Variants in OTUD3 observed in about 807,000 individuals in gnomAD.
OTUD3 encodes the protein OTU domain-containing protein 3.
In OTUD3, 24 loss-of-function variants were observed where a neutral mutation model predicts 46.2. The ratio of observed to expected loss-of-function variants is 0.52; its 90% CI spans 0.38 to 0.73. The LOEUF (loss-of-function observed/expected upper bound fraction) is 0.73. Ranked by LOEUF, OTUD3 falls within the 30% of genes least tolerant of loss-of-function variation. OTUD3 has a pLI of 0.00. For synonymous variants in OTUD3, 189 were observed against 195.4 expected, an observed-to-expected ratio of 0.97 and a Z score of 0.27; for missense variants, 455 against 523.3, an observed-to-expected ratio of 0.87 and a Z score of 1.27.
Position 19,882,412 on chromosome 1 carries a change from G to C in OTUD3, c.-102G>C. 3.1e-6 allele frequency: 4 copies of C among 1,298,424 alleles called. No homozygotes were observed. In the South Asian group the frequency reaches 6.9e-5, roughly 22 times the overall value. 80.4% of individuals were successfully genotyped at this position (1,298,424 alleles called of 1,614,324 possible). On this transcript the variant is annotated 5_prime_UTR_variant, in exon 1 of 8. Coordinates refer to ENST00000375120, the MANE Select transcript of OTUD3 (RefSeq NM_015207.2). ...GCGCGGTTGCTGCGTAGTCGTCGCC[G>C]GGCTCCGTTGCCCGCGCTGTTTTAC...
chr1:19,904,225 G>T, intron 4 of OTUD3, 42 bp from the exon 5 acceptor site: 1 of 1,497,214 alleles, frequency 6.7e-7, no homozygotes, highest in South Asian at 1.3e-5. Flanking sequence ...AACATAGTTT[G>T]ATTCTCAACA....
chr1:19,903,158 C>T (rs896587555), intron 4 of OTUD3, among the ~76,000 whole-genome samples: 5 of 151,552 alleles, frequency 3.3e-5, no homozygotes, highest in African/African-American at 4.9e-5. Flanking sequence ...AGCCATCCTC[C>T]CAGCTCAGCC....
At chr1:19,907,473 A>T in intron 7 of OTUD3, 97 bp from the exon 8 acceptor site, 1 of 1,183,860 alleles carries the variant, frequency 8.4e-7, no homozygotes, top group Non-Finnish European at 1.2e-6. Context: ...GTTCCTGCTG[A>T]AAAGCAATCT....
chr1:19,890,313 A>T (rs766931478), intron 1 of OTUD3, 72 bp from the exon 2 acceptor site: 59 of 1,403,302 alleles, frequency 4.2e-5, no homozygotes, highest in Non-Finnish European at 5.8e-5. Context: ...ATGATCTGGC[A>T]TGAAGCATCA....
chr1:19,894,404 A>G lies in OTUD3; in HGVS notation c.407A>G (p.Asn136Ser), dbSNP rs1366428667. ...SLAKPGTFAG[N>S]DAIVAFARNH... ...GCAAAGCCTGGTACTTTTGCTGGCA[A>G]TGATGCAATTGTAGCCTTTGCAAGA... is the stretch of plus-strand genomic sequence containing the variant. The change falls in exon 3 of 8, where the codon AAT becomes AGT. Residue 136 changes from asparagine to serine, a missense_variant. By Grantham distance (46) the Asn-to-Ser change is conservative. Transcript: ENST00000375120. 1 of 1,609,988 alleles carries G rather than the reference A, an allele frequency of 6.2e-7. No homozygotes were observed. Among genetic ancestry groups the G allele is most frequent in the Admixed American group, 1.7e-5 (1 of 59,176 alleles).
At chr1:19,887,374 G>A (rs569162895) in intron 1 of OTUD3, among the ~76,000 whole-genome samples, 5 of 152,070 alleles carry the variant, frequency 3.3e-5, no homozygotes, top group Admixed American at 6.6e-5. Context: ...ATGAGCCACC[G>A]CACCCGGCTG....
At chr1:19,897,339 A>G (rs905556244) in intron 3 of OTUD3, among the ~76,000 whole-genome samples, 3 of 152,186 alleles carry the variant, frequency 2.0e-5, no homozygotes, top group Non-Finnish European at 2.9e-5. Context: ...ATGGAGTTAC[A>G]TATTAAATAA....
At chr1:19,904,432 A>G in intron 5 of OTUD3, 34 bp downstream of exon 5, 1 of 1,593,034 alleles carries the variant, frequency 6.3e-7, no homozygotes, top group Middle Eastern at 1.7e-4. Context: ...ATGATTTAGA[A>G]GCAAGCATTG....
intron 1 of OTUD3, among the ~76,000 whole-genome samples, chr1:19,884,379 TCCCCACAC>T (rs1043512878): frequency 7.9e-5 from 12 of 152,066 alleles, no homozygotes; most frequent in African/African-American, 2.9e-4. Flanking sequence ...CTGCTCCCTA[TCCCCACAC>T]CCCCATACAC....
chr1:19,902,605 A>G (rs1035173313), intron 4 of OTUD3, among the ~76,000 whole-genome samples: 18 of 152,158 alleles, frequency 1.2e-4, no homozygotes, highest in Admixed American at 5.9e-4. Context: ...AAAAATGTCT[A>G]TTCAAGTCTT....
intron 4 of OTUD3, 74 bp from the exon 5 acceptor site, chr1:19,904,193 G>A: frequency 8.3e-7 from 1 of 1,204,242 alleles, no homozygotes. Flanking sequence ...CCAGATTAGA[G>A]TGTCTTGTGT....
At position 19,904,237 on chromosome 1, in the gene OTUD3, A is replaced by G. The variant is rs1329210428; in HGVS notation, c.607-30A>G. 5.8e-6 allele frequency: 9 copies of G among 1,544,480 alleles called. No individual in the cohort carries two copies. In the East Asian group the frequency reaches 2.0e-4, roughly 35 times the overall value. On this transcript the variant is annotated intron_variant, in intron 4 of 7. Transcript: ENST00000375120. ...CTGAACATAGTTTGATTCTCAACAT[A>G]GTTCCCTGATTATTACTTGTTTCCT...
At position 19,907,875 on chromosome 1, in the gene OTUD3, G is replaced by C; in HGVS notation, c.*129G>C. 1.3e-6 allele frequency: 1 copy of C among 751,098 alleles called. No homozygotes were observed. The highest frequency in any genetic ancestry group is 2.8e-5 in the East Asian group (1 of 36,140). 46.5% of individuals were successfully genotyped at this position (751,098 alleles called of 1,614,324 possible). On this transcript the variant is annotated 3_prime_UTR_variant, in exon 8 of 8. Coordinates refer to ENST00000375120, the MANE Select transcript of OTUD3 (RefSeq NM_015207.2). ...AAGCCCACACATGAGCTCACACACT[G>C]AGTTAGTTTCGTTCAAGCTGCCTCT...
chr1:19,890,409 T>G lies in OTUD3; in HGVS notation c.246T>G (p.Gly82=). ...GDGNCLFRAL[G]DQLEGHSRNH... is the part of the protein sequence containing the mutation. The stretch of plus-strand genomic sequence containing the variant: ...GCAATTGCTTGTTCAGAGCTCTTGG[T>G]GATCAATTGGAGGGACACTCACGAA... The change falls in exon 2 of 8, where the codon GGT becomes GGG. Residue 82 remains glycine, a synonymous_variant. Coordinates refer to ENST00000375120, the MANE Select transcript of OTUD3 (RefSeq NM_015207.2). 6.2e-7 allele frequency: 1 copy of G among 1,613,968 alleles called. No individual in the cohort carries two copies. The highest frequency in any genetic ancestry group is 8.5e-7 in the Non-Finnish European group (1 of 1,179,850).
At chr1:19,901,711 GCC>G (rs2045592868) in intron 4 of OTUD3, among the ~76,000 whole-genome samples, 1 of 152,088 alleles carries the variant, frequency 6.6e-6, no homozygotes, top group Non-Finnish European at 1.5e-5. Flanking sequence ...TCACCAATCT[GCC>G]CTTCTTCTCT....
intron 4 of OTUD3, among the ~76,000 whole-genome samples, chr1:19,898,499 CG>C (rs1260733891): frequency 1.3e-5 from 2 of 151,744 alleles, no homozygotes; most frequent in South Asian, 2.1e-4. Context: ...GAGGCCGAGG[CG>C]GGCGGATCAC....
intron 3 of OTUD3, 47 bp from the exon 4 acceptor site, chr1:19,897,493 G>T (rs200997410): frequency 1.2e-6 from 2 of 1,606,228 alleles, no homozygotes; most frequent in African/African-American, 2.7e-5. Flanking sequence ...TCCAGAAGTT[G>T]ATAGTGTTCA....
rs759460355 is a variant in OTUD3, at chr1:19,897,526, T to G, written c.484-14T>G. 3.1e-6 allele frequency: 5 copies of G among 1,613,548 alleles called. No individual in the cohort carries two copies. In the Admixed American group the frequency reaches 8.3e-5, roughly 27 times the overall value. ...TCAGATCCTCACTGGCATGGCCCCTTCTTTTGTCTACAGATTCGTGGTACA... is the reference window on the plus strand; with the variant it reads ...TCAGATCCTCACTGGCATGGCCCCTGCTTTTGTCTACAGATTCGTGGTACA... On this transcript the variant is annotated splice_polypyrimidine_tract_variant and intron_variant, in intron 3 of 7. Coordinates refer to ENST00000375120, the MANE Select transcript of OTUD3 (RefSeq NM_015207.2).
At chr1:19,902,588 T>A (rs567389056) in intron 4 of OTUD3, among the ~76,000 whole-genome samples, 5 of 152,322 alleles carry the variant, frequency 3.3e-5, no homozygotes, top group Non-Finnish European at 7.4e-5. Context: ...CATTTGTATA[T>A]CTTTGGAAAA....
Sources: allele counts gnomAD v4.1 joint callset (sites outside exome capture counted in the v4.1 genomes callset), GRCh38; gene constraint gnomAD v4.1.1; transcripts MANE v1.5; gene names NCBI Gene and HGNC (gene_info 2026-07-23, HGNC 2026-07-21).